The following ATP9B variants were observed in gnomAD, a reference collection of about 807,000 sequenced individuals.
ATP9B encodes the protein probable phospholipid-transporting ATPase IIB.
In ATP9B, 110 loss-of-function variants were observed where a neutral mutation model predicts 146.1. That is an observed-to-expected ratio of 0.75 (90% CI 0.65 to 0.88). The LOEUF (loss-of-function observed/expected upper bound fraction) is 0.88. Ranked by LOEUF, ATP9B falls within the 40% of genes least tolerant of loss-of-function variation. ATP9B has a pLI of 0.00. For synonymous variants in ATP9B, 604 were observed against 569.7 expected (o/e 1.06, Z -0.86); for missense variants, 1,499 against 1,496.4 (o/e 1.00, Z -0.03).
intron 9 of ATP9B, among the ~76,000 whole-genome samples, chr18:79,200,785 T>TGGGGACTGTCGG (rs1345023937): frequency 3.7e-4 from 5 of 13,528 alleles, no homozygotes; most frequent in Admixed American, 1.3e-3. Flanking sequence ...GCAGAAGTAG[T>TGGGGACTGTCGG]GGTGGAATTG....
At chr18:79,196,616 C>A (rs972170537) in intron 9 of ATP9B, among the ~76,000 whole-genome samples, 13 of 151,958 alleles carry the variant, frequency 8.6e-5, no homozygotes, top group Admixed American at 8.5e-4. Flanking sequence ...ATGGTAGTGA[C>A]CAGAAAATAC....
At chr18:79,222,583 C>T (rs2095690578) in intron 11 of ATP9B, among the ~76,000 whole-genome samples, 2 of 152,064 alleles carry the variant, frequency 1.3e-5, no homozygotes. Flanking sequence ...CATGTTTTAT[C>T]CAGACATGAA....
At chr18:79,100,623 A>G (rs1396629256) in intron 2 of ATP9B, among the ~76,000 whole-genome samples, 1 of 152,208 alleles carries the variant, frequency 6.6e-6, no homozygotes, top group Non-Finnish European at 1.5e-5. Context: ...TTTGGAAATA[A>G]TTAGCTACAG....
At chr18:79,217,067 A>G (rs894883431) in intron 11 of ATP9B, among the ~76,000 whole-genome samples, 19 of 152,254 alleles carry the variant, frequency 1.2e-4, no homozygotes, top group African/African-American at 4.1e-4. Context: ...TCCCGACTGT[A>G]GAGCCGGGGA....
At chr18:79,110,535 T>G (rs570905308) in intron 3 of ATP9B, 30 bp downstream of exon 3, 3 of 1,582,268 alleles carry the variant, frequency 1.9e-6, no homozygotes, top group Admixed American at 1.8e-5. Flanking sequence ...GGAGATGGGT[T>G]GTGTGTCAGA....
At chr18:79,191,106 T>C (rs2095362372) in intron 8 of ATP9B, among the ~76,000 whole-genome samples, 1 of 152,182 alleles carries the variant, frequency 6.6e-6, no homozygotes, top group Non-Finnish European at 1.5e-5. Context: ...GAATTCTGGC[T>C]TGACAAGTCT....
intron 2 of ATP9B, among the ~76,000 whole-genome samples, chr18:79,101,490 G>C (rs1021671169): frequency 1.3e-5 from 2 of 152,158 alleles, no homozygotes; most frequent in Non-Finnish European, 2.9e-5. Context: ...GAACAATTGT[G>C]TACATTTGTG....
chr18:79,272,822 TA>T (rs1244215602), intron 12 of ATP9B, among the ~76,000 whole-genome samples: 1 of 152,246 alleles, frequency 6.6e-6, no homozygotes, highest in African/African-American at 2.4e-5. Flanking sequence ...CATGGCACTC[TA>T]CAGATGCTGT....
intron 13 of ATP9B, among the ~76,000 whole-genome samples, chr18:79,295,145 A>G (rs565124104): frequency 6.6e-6 from 1 of 152,282 alleles, no homozygotes; most frequent in African/African-American, 2.4e-5. Context: ...TTGATGCCCC[A>G]TATACCATGA....
At chr18:79,238,832 G>C (rs1401013622) in intron 11 of ATP9B, among the ~76,000 whole-genome samples, 1 of 151,870 alleles carries the variant, frequency 6.6e-6, no homozygotes, top group Admixed American at 6.6e-5. Context: ...TATCTGCAGT[G>C]GCCACATGGG....
At chr18:79,258,528 CAG>C (rs2096107608) in intron 12 of ATP9B, among the ~76,000 whole-genome samples, 1 of 152,226 alleles carries the variant, frequency 6.6e-6, no homozygotes, top group East Asian at 1.9e-4. Flanking sequence ...TGTGTTTATA[CAG>C]ACTTACAAAT....
chr18:79,073,992 T>C (rs2072299894), intron 1 of ATP9B, among the ~76,000 whole-genome samples: 1 of 152,208 alleles, frequency 6.6e-6, no homozygotes, highest in Non-Finnish European at 1.5e-5. Context: ...TTTTGTATAT[T>C]AGGAGAATTT....
chr18:79,290,078 TGAG>T (rs778957277), intron 13 of ATP9B, among the ~76,000 whole-genome samples: 6 of 152,144 alleles, frequency 3.9e-5, no homozygotes, highest in Admixed American at 6.5e-5. Context: ...GGGACCCACT[TGAG>T]GAGGCAGTCT....
chr18:79,229,929 G>A (rs2095774226), intron 11 of ATP9B, among the ~76,000 whole-genome samples: 1 of 151,822 alleles, frequency 6.6e-6, no homozygotes, highest in Non-Finnish European at 1.5e-5. Flanking sequence ...TGACATGCTA[G>A]GTTGTAACTA....
intron 1 of ATP9B, among the ~76,000 whole-genome samples, chr18:79,080,389 A>G (rs1484449391): frequency 2.0e-5 from 3 of 151,804 alleles, no homozygotes; most frequent in African/African-American, 7.3e-5. Flanking sequence ...TAGTTATTTT[A>G]TTCTCTTTGT....
intron 2 of ATP9B, among the ~76,000 whole-genome samples, chr18:79,108,847 A>G (rs2075821860): frequency 1.3e-5 from 2 of 152,240 alleles, no homozygotes; most frequent in Admixed American, 6.5e-5. Context: ...ATGCCCTCAT[A>G]AGGAATGCTA....
chr18:79,248,140 G>A (rs1285356631), intron 11 of ATP9B, among the ~76,000 whole-genome samples: 8 of 152,106 alleles, frequency 5.3e-5, no homozygotes, highest in Admixed American at 2.0e-4. Flanking sequence ...TATAGTGTGC[G>A]GTCAGCCTGC....
At chr18:79,245,483 T>C (rs548397250) in intron 11 of ATP9B, among the ~76,000 whole-genome samples, 4 of 152,364 alleles carry the variant, frequency 2.6e-5, no homozygotes, top group African/African-American at 9.6e-5. Context: ...GTTGTTACAA[T>C]GTTATCAACT....
chr18:79,114,762 C>G (rs1167799113), intron 4 of ATP9B, among the ~76,000 whole-genome samples: 1 of 152,086 alleles, frequency 6.6e-6, no homozygotes, highest in African/African-American at 2.4e-5. Flanking sequence ...TGGCGCTCAT[C>G]CCATTAATAT....
Sources: allele counts gnomAD v4.1 joint callset (sites outside exome capture counted in the v4.1 genomes callset), GRCh38; gene constraint gnomAD v4.1.1; transcripts MANE v1.5; gene names NCBI Gene and HGNC (gene_info 2026-07-23, HGNC 2026-07-21).